The following SPHKAP variants were observed in gnomAD, a reference collection of about 807,000 sequenced individuals.
SPHKAP encodes SPHK1 interactor, AKAP domain containing.
Under a neutral mutation model 137.5 loss-of-function variants are expected in SPHKAP, and 67 were observed. The observed-to-expected ratio is 0.49, with a 90% CI of 0.40 to 0.60. The LOEUF (loss-of-function observed/expected upper bound fraction) is 0.60, where lower values mean the gene tolerates loss of function less well. SPHKAP is among the 20% of genes least tolerant of loss of function. SPHKAP has a pLI of 0.00. For missense variants in SPHKAP, 2,097 were observed against 2,069.3 expected, an observed-to-expected ratio of 1.01 and a Z score of -0.26; for synonymous variants, 813 against 785.3, an observed-to-expected ratio of 1.04 and a Z score of -0.59.
intron 1 of SPHKAP, among the ~76,000 whole-genome samples, chr2:228,177,875 G>A (rs558760139): frequency 5.0e-4 from 76 of 152,060 alleles, no homozygotes; most frequent in African/African-American, 1.5e-3. Flanking sequence ...CTTATCATTC[G>A]AAATGCCATA....
intron 1 of SPHKAP, among the ~76,000 whole-genome samples, chr2:228,176,196 T>C (rs895477046): frequency 2.6e-5 from 4 of 152,328 alleles, no homozygotes; most frequent in Non-Finnish European, 5.9e-5. Context: ...AAAGAGTTTC[T>C]GTAAGTATAA....
At position 228,093,888 on chromosome 2, in the gene SPHKAP, A is replaced by G. The variant is rs541381069; in HGVS notation, c.246+14944T>C. On this transcript the variant is annotated intron_variant, in intron 3 of 11. Coordinates refer to ENST00000392056, the MANE Select transcript of SPHKAP (RefSeq NM_001142644.2). ...AAAAAAAAAAAAAAAAAAAAAAAAC[A>G]AAGCTATTGGGACAAGAAGTAGATT... is the stretch of plus-strand genomic sequence containing the variant. 1.1e-4 allele frequency among the ~76,000 whole-genome samples: 13 copies of G among 122,072 alleles called. No individual in the cohort carries two copies. In the East Asian group the frequency reaches 3.2e-3, roughly 30 times the overall value. 80.1% of individuals were successfully genotyped at this position (122,072 alleles called of 152,430 possible).
intron 3 of SPHKAP, among the ~76,000 whole-genome samples, chr2:228,097,814 T>G (rs1168867095): frequency 1.3e-5 from 2 of 152,192 alleles, no homozygotes; most frequent in Non-Finnish European, 2.9e-5. Flanking sequence ...GAACATGATT[T>G]TATTCCTTTT....
At chr2:227,987,277 T>C (rs1433311556) in intron 11 of SPHKAP, among the ~76,000 whole-genome samples, 1 of 152,230 alleles carries the variant, frequency 6.6e-6, no homozygotes, top group African/African-American at 2.4e-5. Context: ...TGGTAACAGT[T>C]TGAGAAATAC....
intron 3 of SPHKAP, 122 bp from the exon 4 acceptor site, chr2:228,027,665 G>T: frequency 3.0e-6 from 3 of 1,001,260 alleles, no homozygotes; most frequent in East Asian, 2.5e-5. Context: ...TAGACAGTTT[G>T]GCATAGAAAT....
chr2:227,985,458 G>A (rs1693178585), intron 11 of SPHKAP, among the ~76,000 whole-genome samples: 1 of 152,170 alleles, frequency 6.6e-6, no homozygotes, highest in African/African-American at 2.4e-5. Flanking sequence ...TTATTTAGCA[G>A]AAAGTCCTAG....
intron 2 of SPHKAP, among the ~76,000 whole-genome samples, chr2:228,121,923 A>G (rs181817146): frequency 1.3e-5 from 2 of 152,204 alleles, no homozygotes; most frequent in East Asian, 3.9e-4. Flanking sequence ...GATGGATGCT[A>G]TGAGGACAGG....
intron 3 of SPHKAP, among the ~76,000 whole-genome samples, chr2:228,057,070 T>G (rs1011274409): frequency 2.0e-5 from 3 of 152,340 alleles, no homozygotes; most frequent in African/African-American, 7.2e-5. Flanking sequence ...AAGCAAAACC[T>G]GACTTGACAT....
intron 3 of SPHKAP, among the ~76,000 whole-genome samples, chr2:228,042,523 C>A (rs1188344040): frequency 2.6e-5 from 4 of 152,032 alleles, no homozygotes; most frequent in African/African-American, 9.7e-5. Context: ...TACCCTTTTC[C>A]CAGCCCTAGG....
chr2:228,127,425 G>A (rs1699111032), intron 2 of SPHKAP, among the ~76,000 whole-genome samples: 4 of 152,184 alleles, frequency 2.6e-5, no homozygotes, highest in Admixed American at 2.6e-4. Context: ...CTCTTTTGAA[G>A]AGAAGGTAAG....
intron 1 of SPHKAP, among the ~76,000 whole-genome samples, chr2:228,158,209 G>C (rs184169941): frequency 6.6e-6 from 1 of 152,100 alleles, no homozygotes; most frequent in African/African-American, 2.4e-5. Context: ...CTAATTTACT[G>C]CCCAAATTGT....
intron 3 of SPHKAP, among the ~76,000 whole-genome samples, chr2:228,031,069 G>A (rs143579164): frequency 0.023 from 3,491 of 152,332 alleles, 57 homozygotes; most frequent in Middle Eastern, 0.12. Context: ...AGGGCGAGGT[G>A]TTGCCTCACT....
chr2:228,025,306 T>C, intron 5 of SPHKAP, 88 bp downstream of exon 5: 1 of 1,307,964 alleles, frequency 7.6e-7, no homozygotes, highest in Non-Finnish European at 1.0e-6. Flanking sequence ...CAGAAGCTTA[T>C]GTGTAGCATC....
intron 3 of SPHKAP, among the ~76,000 whole-genome samples, chr2:228,030,532 ACAACAAAAAAC>A (rs1695260593): frequency 7.4e-5 from 5 of 67,352 alleles, no homozygotes; most frequent in South Asian, 5.5e-4. Context: ...AAAAAAAAAA[ACAACAAAAAAC>A]AAAAAAAAAA....
chr2:228,153,484 T>TA (rs1699999497), intron 1 of SPHKAP, among the ~76,000 whole-genome samples: 1 of 152,230 alleles, frequency 6.6e-6, no homozygotes, highest in Non-Finnish European at 1.5e-5. Context: ...TCTTCACTGA[T>TA]ATGGAATTCT....
intron 3 of SPHKAP, among the ~76,000 whole-genome samples, chr2:228,053,757 TTCCCTCTGAAG>T (rs1283197718): frequency 6.6e-6 from 1 of 152,330 alleles, no homozygotes; most frequent in East Asian, 1.9e-4. Flanking sequence ...GACTTGGCAT[TTCCCTCTGAAG>T]TCTTGTAATG....
chr2:228,141,565 A>G (rs897941162), intron 1 of SPHKAP, among the ~76,000 whole-genome samples: 9 of 152,206 alleles, frequency 5.9e-5, no homozygotes, highest in Admixed American at 2.6e-4. Context: ...TTCAAAATAT[A>G]TACAATGAGA....
chr2:228,156,653 C>T (rs1473234176), intron 1 of SPHKAP, among the ~76,000 whole-genome samples: 1 of 152,196 alleles, frequency 6.6e-6, no homozygotes, highest in Non-Finnish European at 1.5e-5. Flanking sequence ...ACCCAAATCT[C>T]ATCCTGAATT....
chr2:228,079,537 C>T (rs1697291713), intron 3 of SPHKAP, among the ~76,000 whole-genome samples: 1 of 152,230 alleles, frequency 6.6e-6, no homozygotes, highest in African/African-American at 2.4e-5. Context: ...CCCAGGGACT[C>T]AAGCTCCAGG....
Sources: allele counts gnomAD v4.1 joint callset (sites outside exome capture counted in the v4.1 genomes callset), GRCh38; gene constraint gnomAD v4.1.1; transcripts MANE v1.5; gene names NCBI Gene and HGNC (gene_info 2026-07-23, HGNC 2026-07-21).